HIC1: variants seen among roughly 807,000 people sequenced by gnomAD.
The protein encoded by HIC1 is hypermethylated in cancer 1 protein.
In HIC1, 9 loss-of-function variants were observed where a neutral mutation model predicts 26.4. The ratio of observed to expected loss-of-function variants is 0.34; its 90% CI spans 0.21 to 0.59. HIC1 has a LOEUF of 0.59. Ranked by LOEUF, HIC1 falls within the 20% of genes least tolerant of loss-of-function variation. The probability of loss-of-function intolerance (pLI) is 0.82; values close to 1 mark genes in which losing one functional copy is unlikely to be tolerated. For missense variants in HIC1, 965 were observed against 1,075.7 expected (o/e 0.90, Z 1.44); for synonymous variants, 631 against 523.1 (o/e 1.21, Z -2.81).
In HIC1 at chr17:2,061,629, G is replaced by A; in HGVS notation, c.*2794G>A. 1 of 1,567,182 alleles carries A rather than the reference G, an allele frequency of 6.4e-7. No individual in the cohort carries two copies. Among genetic ancestry groups the A allele is most frequent in the Non-Finnish European group, 8.7e-7 (1 of 1,155,934 alleles). On this transcript the variant is annotated 3_prime_UTR_variant, in exon 2 of 2. Transcript: ENST00000619757. ...AGTAGCCGGATTGGCTCCTCTGTGG[G>A]CATGAGAGAGCAGAAGGCTGTCACT...
Position 2,057,778 on chromosome 17 carries a change from G to C in HIC1, c.1088G>C (p.Gly363Ala). The change falls in exon 2 of 2, where the codon GGC (glycine) becomes GCC (alanine). Residue 363 changes from glycine to alanine, a missense_variant. Transcript: ENST00000619757. The part of the protein sequence containing the change: ...LGLAPPPRYP[G>A]SLDGPGAGGD... ...CTGGCGCCGCCGCCGCGCTACCCTGGCAGCCTGGACGGGCCCGGCGCGGGC... is the reference window on the plus strand; with the variant it reads ...CTGGCGCCGCCGCCGCGCTACCCTGCCAGCCTGGACGGGCCCGGCGCGGGC... The C allele has an allele frequency of 6.6e-7, 1 of 1,503,840 alleles. No homozygotes were observed. The allele number at this position is 1,503,840 out of a possible 1,614,324, so 93.2% of individuals were successfully genotyped here.
At chr17:2,056,571 T>C (rs1203807867) in intron 1 of HIC1, 100 bp from the exon 2 acceptor site, 2 of 1,437,864 alleles carry the variant, frequency 1.4e-6, no homozygotes, top group African/African-American at 2.9e-5. Flanking sequence ...ATGCCCCCGC[T>C]CAGCTGAGGG....
rs2067673916 is a variant in HIC1 at position 2,056,510 on chromosome 17, C to T, written c.-20-161C>T. 3.7e-6 allele frequency: 5 copies of T among 1,344,390 alleles called. No homozygotes were observed. The South Asian group carries it at 5.2e-5, about 14-fold the overall frequency. 83.3% of individuals were successfully genotyped at this position (1,344,390 alleles called of 1,614,324 possible). On this transcript the variant is annotated intron_variant, in intron 1 of 1. Coordinates refer to ENST00000619757, the MANE Select transcript of HIC1 (RefSeq NM_006497.4). ...TGGTCCGGGCGGGCCGGCCTGGGCT[C>T]CCACTCCAGAGGGCAGCCGGTCCTT...
Position 2,061,683 on chromosome 17 carries a change from C to A in HIC1, c.*2848C>A. ...GACAGGAGGCAGAGGGCTGGCTGCT[C>A]TTCTCACCCTGGAGAATGTGGTCCT... On this transcript the variant is annotated 3_prime_UTR_variant, in exon 2 of 2. Transcript: ENST00000619757. 1 of 1,525,810 alleles carries A rather than the reference C, an allele frequency of 6.6e-7. No individual in the cohort carries two copies. Among genetic ancestry groups the A allele is most frequent in the South Asian group, 1.2e-5 (1 of 83,506 alleles). The allele number at this position is 1,525,810 out of a possible 1,614,324, so 94.5% of individuals were successfully genotyped here.
chr17:2,059,003 T>G lies in HIC1; in HGVS notation c.*168T>G, dbSNP rs1445820067. The G allele has an allele frequency of 3.9e-5, 22 of 562,518 alleles. No homozygotes were observed. Among genetic ancestry groups the G allele is most frequent in the Admixed American group, 8.7e-5 (2 of 22,930 alleles). The allele number at this position is 562,518 out of a possible 1,614,324, so 34.8% of individuals were successfully genotyped here. On this transcript the variant is annotated 3_prime_UTR_variant, in exon 2 of 2. Transcript: ENST00000619757. The stretch of plus-strand genomic sequence containing the variant: ...CACCTGGCCTCACTGCTTCGTGCCT[T>G]AGCTCGGGGGTCGGGGGAGAACCCC...
rs2151368837 is a variant in HIC1 at position 2,057,183 on chromosome 17, G to A, written c.493G>A (p.Val165Ile). ...PGRGLRAATP[V>I]IQACYPSPVG... Reference sequence around the variant, plus strand: ...CCGGGGCCTGCGGGCCGCCACGCCGGTCATCCAGGCCTGCTACCCGTCCCC... The same window carrying A: ...CCGGGGCCTGCGGGCCGCCACGCCGATCATCCAGGCCTGCTACCCGTCCCC... The change falls in exon 2 of 2, where the codon GTC becomes ATC. Residue 165 changes from valine to isoleucine, a missense_variant. This residue lies in a region of HIC1 where 526 missense variants were observed against 525.0 expected (regional missense o/e 1.00). Coordinates refer to ENST00000619757, the MANE Select transcript of HIC1 (RefSeq NM_006497.4). 1.5e-6 allele frequency: 2 copies of A among 1,343,348 alleles called. No homozygotes were observed. Among genetic ancestry groups the A allele is most frequent in the Non-Finnish European group, 9.5e-7 (1 of 1,052,304 alleles). 83.2% of individuals were successfully genotyped at this position (1,343,348 alleles called of 1,614,324 possible).
rs1429554852 is a variant in HIC1 at position 2,059,827 on chromosome 17, T to G, written c.*992T>G. 1.2e-5 allele frequency: 2 copies of G among 166,692 alleles called. No homozygotes were observed. Among genetic ancestry groups the G allele is most frequent in the Non-Finnish European group, 2.9e-5 (2 of 68,108 alleles). 10.3% of individuals were successfully genotyped at this position (166,692 alleles called of 1,614,324 possible). ...CTCCCTCCCCAGTCCCAGAAACAGA[T>G]CAGCAAGAGGTCAGGTATGTTTCAT... is the stretch of plus-strand genomic sequence containing the variant. On this transcript the variant is annotated 3_prime_UTR_variant, in exon 2 of 2. Coordinates refer to ENST00000619757, the MANE Select transcript of HIC1 (RefSeq NM_006497.4).
chr17:2,058,794 G>A lies in HIC1; in HGVS notation c.2104G>A (p.Gly702Arg), dbSNP rs750411726. The change falls in exon 2 of 2, where the codon GGG becomes AGG. Residue 702 changes from glycine to arginine, a missense_variant. By Grantham distance (125) the Gly-to-Arg change is moderately radical. Transcript: ENST00000619757. Reference sequence around the variant, plus strand: ...GAGCCAGGGCGCTCACCTGGCGGCCGGGCCCGACGGCCGGACCATCGACCG... The same window carrying A: ...GAGCCAGGGCGCTCACCTGGCGGCCAGGCCCGACGGCCGGACCATCGACCG... ...VLSQGAHLAA[G>R]PDGRTIDRFS... is the part of the protein sequence containing the mutation. The A allele has an allele frequency of 6.6e-7, 1 of 1,504,632 alleles. No homozygotes were observed. Among genetic ancestry groups the A allele is most frequent in the Non-Finnish European group, 8.8e-7 (1 of 1,133,612 alleles). The allele number at this position is 1,504,632 out of a possible 1,614,324, so 93.2% of individuals were successfully genotyped here.
Position 2,058,786 on chromosome 17 carries a change from T to C in HIC1, c.2096T>C (p.Leu699Pro). 1 of 1,509,444 alleles carries C rather than the reference T, an allele frequency of 6.6e-7. No homozygotes were observed. The allele number at this position is 1,509,444 out of a possible 1,614,324, so 93.5% of individuals were successfully genotyped here. ...GAGGTGCTGAGCCAGGGCGCTCACC[T>C]GGCGGCCGGGCCCGACGGCCGGACC... ...AAEVLSQGAH[L>P]AAGPDGRTID... Residue 699 changes from leucine to proline, a missense_variant, in exon 2 of 2, where the codon CTG (leucine) becomes CCG (proline). Transcript: ENST00000619757.
In HIC1 at chr17:2,058,209, G is replaced by T. The variant is rs766550622; in HGVS notation, c.1519G>T (p.Glu507Ter). The change falls in exon 2 of 2, where the codon GAG (glutamate) becomes TAG (stop). Residue 507 changes from glutamate to a stop codon, truncating the protein, a stop_gained. Coordinates refer to ENST00000619757, the MANE Select transcript of HIC1 (RefSeq NM_006497.4). LOFTEE classifies it high-confidence loss of function. ...GGACCCGGCCACGCTGCGGCAGCAC[G>T]AGAAGACGCACTGGCTGACCCGGCC... ...YKDPATLRQH[E>*]KTHWLTRPYP... 6.2e-7 allele frequency: 1 copy of T among 1,611,590 alleles called. No homozygotes were observed.
At position 2,058,187 on chromosome 17, in the gene HIC1, C is replaced by T. The variant is rs1200714256; in HGVS notation, c.1497C>T (p.Asp499=). ...CGTCGTGCGACAAGAGCTACAAGGACCCGGCCACGCTGCGGCAGCACGAGA... is the reference window on the plus strand; with the variant it reads ...CGTCGTGCGACAAGAGCTACAAGGATCCGGCCACGCTGCGGCAGCACGAGA... ...RCASCDKSYK[D]PATLRQHEKT... The change falls in exon 2 of 2, where the codon GAC becomes GAT. Residue 499 remains aspartate, a synonymous_variant. Coordinates refer to ENST00000619757, the MANE Select transcript of HIC1 (RefSeq NM_006497.4). 2 of 1,611,112 alleles carry T rather than the reference C, an allele frequency of 1.2e-6. No homozygotes were observed. Among genetic ancestry groups the T allele is most frequent in the South Asian group, 2.2e-5 (2 of 91,076 alleles).
rs2039209961 is a variant in HIC1 at position 2,059,261 on chromosome 17, G to C, written c.*426G>C. The C allele has an allele frequency of 5.5e-6, 1 of 181,744 alleles. No homozygotes were observed. The highest frequency in any genetic ancestry group is 1.3e-5 in the Non-Finnish European group (1 of 78,564). The allele number at this position is 181,744 out of a possible 1,614,324, so 11.3% of individuals were successfully genotyped here. On this transcript the variant is annotated 3_prime_UTR_variant, in exon 2 of 2. Transcript: ENST00000619757. ...ATCTCCCCGCTGGGGTCGGAGCGTC[G>C]GGCAGAGTTGGGGAGTGGGGAGGGG...
In HIC1 at chr17:2,061,125, T is replaced by C. The variant is rs571678936; in HGVS notation, c.*2290T>C. 157 of 209,834 alleles carry C rather than the reference T, an allele frequency of 7.5e-4. No homozygotes were observed. The highest frequency in any genetic ancestry group is 1.2e-3 in the Non-Finnish European group (124 of 100,844). 13.0% of individuals were successfully genotyped at this position (209,834 alleles called of 1,614,324 possible). A position where few individuals can be genotyped will look rare whatever the true frequency, so the allele number is the denominator to read the frequency against. On this transcript the variant is annotated 3_prime_UTR_variant, in exon 2 of 2. Coordinates refer to ENST00000619757, the MANE Select transcript of HIC1 (RefSeq NM_006497.4). ...CTCAGAACCCCTGCCCTGTCTCCAC[T>C]GGAGAAAGTGGCTGCGTCCCCAGGC...
At position 2,063,043 on chromosome 17, in the gene HIC1, T is replaced by C. The variant is rs1045819637; in HGVS notation, c.*4208T>C. On this transcript the variant is annotated 3_prime_UTR_variant, in exon 2 of 2. Transcript: ENST00000619757. ...CCTCTGCAGATAAGTGTGGCTGGGG[T>C]GGTGGTATGCAGGGCTGTGTGGGGC... The C allele has an allele frequency of 2.6e-5, 4 of 152,198 alleles. No homozygotes were observed. Among genetic ancestry groups the C allele is most frequent in the Non-Finnish European group, 5.9e-5 (4 of 68,180 alleles). 9.4% of individuals were successfully genotyped at this position (152,198 alleles called of 1,614,324 possible).
In HIC1 at chr17:2,058,422, G is replaced by C. The variant is rs754317127; in HGVS notation, c.1732G>C (p.Gly578Arg). The C allele has an allele frequency of 1.2e-6, 2 of 1,607,010 alleles. No homozygotes were observed. The highest frequency in any genetic ancestry group is 1.7e-5 in the Admixed American group (1 of 59,606). The part of the protein sequence containing the change: ...GEKPYECQVC[G>R]GKFAQQRNLI... The stretch of plus-strand genomic sequence containing the variant: ...GAAGCCCTACGAGTGCCAGGTGTGC[G>C]GCGGCAAGTTCGCACAGCAACGCAA... Residue 578 changes from glycine to arginine, a missense_variant, in exon 2 of 2, where the codon GGC (glycine) becomes CGC (arginine). By Grantham distance (125) the Gly-to-Arg change is moderately radical. Coordinates refer to ENST00000619757, the MANE Select transcript of HIC1 (RefSeq NM_006497.4).
intron 1 of HIC1, chr17:2,056,353 G>A: frequency 6.2e-7 from 1 of 1,612,806 alleles, no homozygotes; most frequent in Non-Finnish European, 8.5e-7. Flanking sequence ...TCGGGTAACT[G>A]TCTCCAAAAG....
rs560747170 is a variant in HIC1 at position 2,061,732 on chromosome 17, G to A, written c.*2897G>A. 43 of 1,253,496 alleles carry A rather than the reference G, an allele frequency of 3.4e-5. No individual in the cohort carries two copies. The highest frequency in any genetic ancestry group is 2.2e-4 in the African/African-American group (15 of 67,472). 77.6% of individuals were successfully genotyped at this position (1,253,496 alleles called of 1,614,324 possible). A position where few individuals can be genotyped will look rare whatever the true frequency, so the allele number is the denominator to read the frequency against. ...CTGGGGAGGGGGTGCCACGCTAGCCGTGTCTTGGCTCTTCTACCAGTCCTT... is the reference window on the plus strand; with the variant it reads ...CTGGGGAGGGGGTGCCACGCTAGCCATGTCTTGGCTCTTCTACCAGTCCTT... On this transcript the variant is annotated 3_prime_UTR_variant, in exon 2 of 2. Transcript: ENST00000619757.
chr17:2,061,340 CCACAGCATGGCCGTGGCGTG>C lies in HIC1; in HGVS notation c.*2506_*2525del. On this transcript the variant is annotated 3_prime_UTR_variant, in exon 2 of 2. Transcript: ENST00000619757. ...AGGGGCTCTGTGAGGAGCAGGTCCC[CCACAGCATGGCCGTGGCGTG>C]GGTTGGAAGAGGATGGTTTATTGTC... 1 of 757,686 alleles carries C rather than the reference CCACAGCATGGCCGTGGCGTG, an allele frequency of 1.3e-6. No homozygotes were observed. The highest frequency in any genetic ancestry group is 2.1e-6 in the Non-Finnish European group (1 of 479,188). 46.9% of individuals were successfully genotyped at this position (757,686 alleles called of 1,614,324 possible).
At position 2,059,056 on chromosome 17, in the gene HIC1, A is replaced by T; in HGVS notation, c.*221A>T. The T allele has an allele frequency of 2.1e-6, 1 of 470,980 alleles. No homozygotes were observed. The highest frequency in any genetic ancestry group is 3.8e-6 in the Non-Finnish European group (1 of 263,572). The allele number at this position is 470,980 out of a possible 1,614,324, so 29.2% of individuals were successfully genotyped here. ...GACGGGGGTGGGATGGGGTAAGGGA[A>T]ATTTATATTTTTGATATCAGCTTTG... On this transcript the variant is annotated 3_prime_UTR_variant, in exon 2 of 2. Coordinates refer to ENST00000619757, the MANE Select transcript of HIC1 (RefSeq NM_006497.4).
Sources: allele counts gnomAD v4.1 joint callset, GRCh38; gene constraint gnomAD v4.1.1; regional missense constraint gnomAD v4.1.1; transcripts MANE v1.5; gene names NCBI Gene and HGNC (gene_info 2026-07-23, HGNC 2026-07-21).